Variants in CACNA1H observed in about 807,000 individuals in gnomAD.
CACNA1H encodes calcium voltage-gated channel subunit alpha1 H, also known as voltage-dependent T-type calcium channel subunit alpha-1H.
A neutral mutation model predicts 192.5 loss-of-function variants in CACNA1H; 149 were observed. The observed-to-expected ratio is 0.77, with a 90% confidence interval of 0.68 to 0.89. The LOEUF (loss-of-function observed/expected upper bound fraction) is 0.89, where lower values mean the gene tolerates loss of function less well. CACNA1H is among the 40% of genes least tolerant of loss of function. CACNA1H has a pLI of 0.00. For synonymous variants in CACNA1H, 2,202 were observed against 1,475.2 expected (o/e 1.49, Z -11.29); for missense variants, 4,257 against 3,423.5 (o/e 1.24, Z -6.08).
intron 30 of CACNA1H, among the ~76,000 whole-genome samples, chr16:1,216,506 C>G (rs577632152): frequency 1.3e-5 from 2 of 152,328 alleles, no homozygotes; most frequent in Admixed American, 1.3e-4. Context: ...ACCCCTCAGT[C>G]AGCTGCGTGC....
At chr16:1,195,709 C>T (rs1011546545) in intron 4 of CACNA1H, 144 bp downstream of exon 4, 36 of 1,065,710 alleles carry the variant, frequency 3.4e-5, no homozygotes, top group Middle Eastern at 3.0e-4. Flanking sequence ...TCTGGGACTC[C>T]GGAGACCCTC....
At position 1,200,314 on chromosome 16, in the gene CACNA1H, C is replaced by T. The variant is rs1468877358; in HGVS notation, c.862C>T (p.Pro288Ser). The part of the protein sequence containing the change: ...YYQTEEGEEN[P>S]FICSSRRDNG... ...CCAGACGGAGGAGGGCGAGGAGAAC[C>T]CGTTCATCTGCTCCTCACGCCGAGA... Residue 288 changes from proline to serine, a missense_variant, in exon 7 of 35, where the codon CCG becomes TCG. By Grantham distance (74) the Pro-to-Ser change is moderately conservative (BLOSUM62 -1). Transcript: ENST00000348261. 1.2e-6 allele frequency: 2 copies of T among 1,606,114 alleles called. No homozygotes were observed. The highest frequency in any genetic ancestry group is 8.5e-7 in the Non-Finnish European group (1 of 1,176,946).
At position 1,220,517 on chromosome 16, in the gene CACNA1H, A is replaced by AC; in HGVS notation, c.6590dup (p.Ala2198CysfsTer27). 1 of 1,536,456 alleles carries AC rather than the reference A, an allele frequency of 6.5e-7. No homozygotes were observed. The highest frequency in any genetic ancestry group is 8.7e-7 in the Non-Finnish European group (1 of 1,150,126). ...TGAGCCCCCCCTGCATCTCGGTGGA[A>AC]CCCCCTGCGGAGGACGAGGGCTCTG... is the stretch of plus-strand genomic sequence containing the variant. On this transcript the variant is annotated frameshift_variant, in exon 35 of 35. Transcript: ENST00000348261. LOFTEE classifies it low-confidence loss of function (END_TRUNC).
chr16:1,175,281 C>T (rs143357823), intron 2 of CACNA1H, among the ~76,000 whole-genome samples: 11 of 152,148 alleles, frequency 7.2e-5, no homozygotes, highest in Non-Finnish European at 1.0e-4. Context: ...CAAGGGAAGC[C>T]CTCCTGCATG....
chr16:1,198,099 G>A (rs1242370420), intron 5 of CACNA1H, among the ~76,000 whole-genome samples: 1 of 152,160 alleles, frequency 6.6e-6, no homozygotes, highest in Non-Finnish European at 1.5e-5. Context: ...CTGCTGCAGA[G>A]ACCCCCAGGA....
At chr16:1,175,964 G>T (rs1191078384) in intron 2 of CACNA1H, among the ~76,000 whole-genome samples, 1 of 152,214 alleles carries the variant, frequency 6.6e-6, no homozygotes, top group Non-Finnish European at 1.5e-5. Flanking sequence ...GTCTGGACCT[G>T]GCCTGGGGGC....
rs1968248126 is a variant in CACNA1H at position 1,203,461 on chromosome 16, A to T, written c.2003-549A>T. Among the ~76,000 whole-genome samples, 2 of 152,278 alleles carry T rather than the reference A, an allele frequency of 1.3e-5. 1 individual carries two copies. The highest frequency in any genetic ancestry group is 3.9e-4 in the East Asian group (2 of 5,180). On this transcript the variant is annotated intron_variant, in intron 9 of 34. Coordinates refer to ENST00000348261, the MANE Select transcript of CACNA1H (RefSeq NM_021098.3). Reference sequence around the variant, plus strand: ...CTGCACCTAAGTGTGTCCCTGCCCCAGTACGTGAGCAGGAATGCGGCTGTG... The same window carrying T: ...CTGCACCTAAGTGTGTCCCTGCCCCTGTACGTGAGCAGGAATGCGGCTGTG...
chr16:1,200,983 G>C (rs1348619368), intron 8 of CACNA1H, among the ~76,000 whole-genome samples, 175 bp downstream of exon 8: 1 of 152,082 alleles, frequency 6.6e-6, no homozygotes, highest in Non-Finnish European at 1.5e-5. Flanking sequence ...GACCCCAAGA[G>C]GCCATGGCAT....
Position 1,214,927 on chromosome 16 carries a change from G to A in CACNA1H, c.4930-45G>A, listed in dbSNP as rs185784180. 191 of 1,401,428 alleles carry A rather than the reference G, an allele frequency of 1.4e-4. No homozygotes were observed. In the African/African-American group the frequency reaches 2.6e-3, roughly 19 times the overall value. 86.8% of individuals were successfully genotyped at this position (1,401,428 alleles called of 1,614,324 possible). ...CAGAGTGGGAGCCAGGGGGAAGAGG[G>A]GTGGCCCCAGCCCCACCTCAGCCAG... On this transcript the variant is annotated intron_variant, in intron 27 of 34. Transcript: ENST00000348261.
rs9924241 is a variant in CACNA1H at position 1,202,114 on chromosome 16, C to T, written c.1664C>T (p.Ala555Val). The change falls in exon 9 of 35, where the codon GCG becomes GTG. Residue 555 changes from alanine to valine, a missense_variant. Transcript: ENST00000348261. ...GACACCAGGCTGGTCCGAGCTGGCGCGCCCCCCTCGCCACCTTCCCCAGGC... is the reference window on the plus strand; with the variant it reads ...GACACCAGGCTGGTCCGAGCTGGCGTGCCCCCCTCGCCACCTTCCCCAGGC... ...ACDTRLVRAG[A>V]PPSPPSPGRG... 23,704 of 1,546,262 alleles carry T rather than the reference C, an allele frequency of 0.015. 189 individuals are homozygous for T. Among genetic ancestry groups the T allele is most frequent in the Non-Finnish European group, 0.017 (19,989 of 1,145,732 alleles).
At chr16:1,157,860 C>T (rs1450937425) in intron 2 of CACNA1H, 1 of 152,296 alleles carries the variant, frequency 6.6e-6, no homozygotes, top group African/African-American at 2.4e-5. Flanking sequence ...CCCGTCCCTT[C>T]TGCCTGGGTG....
chr16:1,170,684 C>T (rs993490573), intron 2 of CACNA1H, among the ~76,000 whole-genome samples: 4 of 152,184 alleles, frequency 2.6e-5, no homozygotes, highest in African/African-American at 4.8e-5. Flanking sequence ...CGTGCCCCCA[C>T]GATCTGGACA....
At chr16:1,190,947 G>C (rs538106145) in intron 2 of CACNA1H, among the ~76,000 whole-genome samples, 200 of 145,888 alleles carry the variant, frequency 1.4e-3, no homozygotes, top group African/African-American at 3.1e-3. Context: ...CAGCATGCTG[G>C]CCTGGTTGTG....
At position 1,204,551 on chromosome 16, in the gene CACNA1H, C is replaced by G; in HGVS notation, c.2451+93C>G. ...GCTTCCAGCAGCCCCGATGCCTGAC[C>G]TGATGGTAGGACGGTCAGGCAGGGC... On this transcript the variant is annotated intron_variant, in intron 10 of 34. Transcript: ENST00000348261. 4.0e-6 allele frequency: 4 copies of G among 999,144 alleles called. No homozygotes were observed. In the South Asian group the frequency reaches 6.9e-5, roughly 17 times the overall value. 61.9% of individuals were successfully genotyped at this position (999,144 alleles called of 1,614,324 possible). A position where few individuals can be genotyped will look rare whatever the true frequency, so the allele number is the denominator to read the frequency against.
At chr16:1,184,304 G>C (rs1306147487) in intron 2 of CACNA1H, among the ~76,000 whole-genome samples, 1 of 152,236 alleles carries the variant, frequency 6.6e-6, no homozygotes, top group Non-Finnish European at 1.5e-5. Flanking sequence ...CTTACTGCCC[G>C]AGGCAGAGGC....
intron 2 of CACNA1H, among the ~76,000 whole-genome samples, chr16:1,173,427 A>T (rs998326440): frequency 6.6e-6 from 1 of 152,238 alleles, no homozygotes; most frequent in Non-Finnish European, 1.5e-5. Flanking sequence ...GTGCGGACGG[A>T]CGAAGCCCAA....
At position 1,210,973 on chromosome 16, in the gene CACNA1H, TG is replaced by T. The variant is rs545116263; in HGVS notation, c.4223+8del. 5 of 1,592,788 alleles carry T rather than the reference TG, an allele frequency of 3.1e-6. No homozygotes were observed. The highest frequency in any genetic ancestry group is 3.4e-6 in the Non-Finnish European group (4 of 1,174,886). On this transcript the variant is annotated splice_donor_region_variant and intron_variant, in intron 21 of 34. Transcript: ENST00000348261. The stretch of plus-strand genomic sequence containing the variant: ...GCTGCGGACCCTGCGGCCTCTGAGG[TG>T]GGGGGCTCCCCGTGGGCTCCCGGGG...
In CACNA1H at chr16:1,153,897, C is replaced by T. The variant is rs1961911472; in HGVS notation, c.160C>T (p.Pro54Ser). The change falls in exon 2 of 35, where the codon CCG (proline) becomes TCG (serine). Residue 54 changes from proline (P) to serine (S), a missense_variant. Transcript: ENST00000348261. ...SELGVSPSES[P>S]AAERGAELGA... ...GCTCGGCGTGTCACCCTCCGAGAGC[C>T]CGGCGGCCGAGCGCGGCGCGGAGCT... The T allele has an allele frequency of 2.8e-6, 4 of 1,450,988 alleles. No individual in the cohort carries two copies. Among genetic ancestry groups the T allele is most frequent in the Non-Finnish European group, 3.6e-6 (4 of 1,102,504 alleles). 89.9% of individuals were successfully genotyped at this position (1,450,988 alleles called of 1,614,324 possible).
intron 2 of CACNA1H, among the ~76,000 whole-genome samples, chr16:1,182,538 G>T (rs971598652): frequency 6.6e-6 from 1 of 152,146 alleles, no homozygotes; most frequent in African/African-American, 2.4e-5. Flanking sequence ...CTGCTGCCCG[G>T]GCTCCCCACC....
Sources: gnomAD v4.1 joint callset for allele counts (sites outside exome capture counted in the v4.1 genomes callset) on GRCh38, gnomAD v4.1.1 for gene constraint, MANE v1.5 for transcripts, NCBI Gene and HGNC (gene_info 2026-07-23, HGNC 2026-07-21) for gene names.